Variants in KDM1A observed in about 807,000 individuals in gnomAD.
The protein encoded by KDM1A is lysine-specific histone demethylase 1A.
In KDM1A, 49 loss-of-function variants were observed where a neutral mutation model predicts 109.4. That is an observed-to-expected ratio of 0.45 (90% CI 0.36 to 0.57). The LOEUF is 0.57. Among genes scored for constraint, KDM1A ranks in the 20% least tolerant of loss-of-function variants. The pLI is 0.00. For synonymous variants in KDM1A, 380 were observed against 415.4 expected (o/e 0.91, Z 1.04); for missense variants, 668 against 1,116.6 (o/e 0.60, Z 5.73).
Position 23,057,510 on chromosome 1 carries a change from A to G in KDM1A, c.1017A>G (p.Thr339=), listed in dbSNP as rs1307361620. The change falls in exon 8 of 21, where the codon ACA becomes ACG. Residue 339 remains threonine (T), a synonymous_variant. Coordinates refer to ENST00000400181, the MANE Select transcript of KDM1A (RefSeq NM_001009999.3). ...ATCGTGTGGGTGGACGAGTTGCCAC[A>G]TTTCGCAAAGGAAACTATGTAGCTG... is the stretch of plus-strand genomic sequence containing the variant. ...ARDRVGGRVA[T]FRKGNYVADL... 1.2e-6 allele frequency: 2 copies of G among 1,613,946 alleles called. No individual in the cohort carries two copies. The highest frequency in any genetic ancestry group is 1.7e-5 in the Admixed American group (1 of 59,986).
chr1:23,037,553 G>A (rs1642186060), intron 2 of KDM1A, among the ~76,000 whole-genome samples: 1 of 152,138 alleles, frequency 6.6e-6, no homozygotes, highest in South Asian at 2.1e-4. Context: ...TTTTTGTGGT[G>A]AGAACACTTA....
chr1:23,062,390 G>T (rs1569768258), intron 9 of KDM1A, among the ~76,000 whole-genome samples: 1 of 152,168 alleles, frequency 6.6e-6, no homozygotes, highest in African/African-American at 2.4e-5. Flanking sequence ...AGTAAACTTG[G>T]ATGAAATGGG....
At chr1:23,070,721 T>C (rs1269555475) in intron 12 of KDM1A, among the ~76,000 whole-genome samples, 4 of 151,298 alleles carry the variant, frequency 2.6e-5, no homozygotes, top group Non-Finnish European at 5.9e-5. Context: ...GGCAGGAGAA[T>C]GGCGTGAACC....
chr1:23,056,567 T>G (rs1642836292), intron 7 of KDM1A, among the ~76,000 whole-genome samples: 1 of 152,138 alleles, frequency 6.6e-6, no homozygotes, highest in Non-Finnish European at 1.5e-5. Context: ...TCATGAATAA[T>G]TTTTGAAATC....
rs148342895 is a variant in KDM1A at position 23,075,242 on chromosome 1, C to G, written c.1734+1839C>G. On this transcript the variant is annotated intron_variant, in intron 15 of 20. Coordinates refer to ENST00000400181, the MANE Select transcript of KDM1A (RefSeq NM_001009999.3). ...GTGATTTACTCTTCAAGTGAGAAATCACAAGGCTTCTTGGACCAATCTCTA... is the reference window on the plus strand; with the variant it reads ...GTGATTTACTCTTCAAGTGAGAAATGACAAGGCTTCTTGGACCAATCTCTA... 6.5e-4 allele frequency among the ~76,000 whole-genome samples: 99 copies of G among 152,330 alleles called. No homozygotes were observed. In the Middle Eastern group the frequency reaches 0.014, roughly 21 times the overall value.
intron 1 of KDM1A, among the ~76,000 whole-genome samples, chr1:23,022,067 A>G (rs1641648639): frequency 6.6e-6 from 1 of 152,200 alleles, no homozygotes; most frequent in South Asian, 2.1e-4. Context: ...TTACCCATTC[A>G]TCATTTGACG....
chr1:23,081,247 G>T, intron 18 of KDM1A, 199 bp from the exon 19 acceptor site: 1 of 554,880 alleles, frequency 1.8e-6, no homozygotes, highest in East Asian at 3.1e-5. Flanking sequence ...TAGTCTGCCA[G>T]CTCCTACTGG....
intron 2 of KDM1A, among the ~76,000 whole-genome samples, chr1:23,040,645 A>C (rs1984576): frequency 6.6e-6 from 1 of 151,420 alleles, no homozygotes; most frequent in Non-Finnish European, 1.5e-5. Context: ...AAAATTAGCC[A>C]GGTATGGTGG....
intron 1 of KDM1A, among the ~76,000 whole-genome samples, chr1:23,029,443 C>T (rs1468340256): frequency 6.6e-6 from 1 of 151,934 alleles, no homozygotes; most frequent in African/African-American, 2.4e-5. Context: ...TCTGTAATAC[C>T]GTATTACACA....
At chr1:23,073,062 A>G (rs1391629048) in intron 14 of KDM1A, among the ~76,000 whole-genome samples, 1 of 152,130 alleles carries the variant, frequency 6.6e-6, no homozygotes, top group Non-Finnish European at 1.5e-5. Context: ...TCCTTCAGAC[A>G]AATGAGGCCT....
At chr1:23,068,364 C>T (rs1218420779) in intron 10 of KDM1A, among the ~76,000 whole-genome samples, 175 bp from the exon 11 acceptor site, 1 of 152,138 alleles carries the variant, frequency 6.6e-6, no homozygotes, top group Non-Finnish European at 1.5e-5. Flanking sequence ...CATTTCATAT[C>T]TCATTTAAAT....
intron 2 of KDM1A, among the ~76,000 whole-genome samples, chr1:23,041,435 C>CTTTTTTTTTTTTTTTTTTTT (rs66720696): frequency 5.7e-5 from 3 of 53,006 alleles, no homozygotes; most frequent in African/African-American, 7.8e-5. Flanking sequence ...TCTTTTCTTG[C>CTTTTTTTTTTTTTTTTTTTT]TTTTTTTTTT....
At chr1:23,022,739 GCCT>G (rs1272268236) in intron 1 of KDM1A, among the ~76,000 whole-genome samples, 2 of 129,622 alleles carry the variant, frequency 1.5e-5, no homozygotes, top group African/African-American at 5.9e-5. Context: ...GCTTACTACA[GCCT>G]CCTCCTCCTG....
chr1:23,080,901 T>C (rs1643601391), intron 18 of KDM1A: 1 of 152,394 alleles, frequency 6.6e-6, no homozygotes, highest in South Asian at 2.1e-4. Flanking sequence ...ATTGTCTGTG[T>C]AATTTTGCAT....
At chr1:23,040,378 C>T (rs997954975) in intron 2 of KDM1A, among the ~76,000 whole-genome samples, 1 of 152,170 alleles carries the variant, frequency 6.6e-6, no homozygotes, top group Non-Finnish European at 1.5e-5. Flanking sequence ...CAACACTTCA[C>T]GCTTCAAGAA....
intron 9 of KDM1A, among the ~76,000 whole-genome samples, chr1:23,064,856 T>C (rs1643115962): frequency 6.6e-6 from 1 of 152,230 alleles, no homozygotes; most frequent in Non-Finnish European, 1.5e-5. Context: ...TTGAAGGAAC[T>C]ATTTACCTGG....
chr1:23,019,588 C>T lies in KDM1A; in HGVS notation c.-9C>T. 7.1e-7 allele frequency: 1 copy of T among 1,400,194 alleles called. No homozygotes were observed. Among genetic ancestry groups the T allele is most frequent in the Non-Finnish European group, 9.2e-7 (1 of 1,086,100 alleles). The allele number at this position is 1,400,194 out of a possible 1,614,324, so 86.7% of individuals were successfully genotyped here. A position where few individuals can be genotyped will look rare whatever the true frequency, so the allele number is the denominator to read the frequency against. On this transcript the variant is annotated 5_prime_UTR_variant, in exon 1 of 21. Coordinates refer to ENST00000400181, the MANE Select transcript of KDM1A (RefSeq NM_001009999.3). ...GCCCCTACGGCCGTCGGCGGCCCGG[C>T]GGCCCGAGATGTTATCTGGGAAGAA...
rs1362999604 is a variant in KDM1A, at chr1:23,030,632, C to T, written c.515C>T (p.Ser172Leu). Residue 172 changes from serine to leucine, a missense_variant and splice_region_variant, in exon 2 of 21, where the codon TCG becomes TTG. By Grantham distance (145) the Ser-to-Leu change is moderately radical. Coordinates refer to ENST00000400181, the MANE Select transcript of KDM1A (RefSeq NM_001009999.3). ...EENESEPEEP[S>L]GQAGGLQDDS... is the part of the protein sequence containing the mutation. ...AATGAAAGTGAGCCTGAAGAACCATCGGGTGAGTTGTAGTATCCAACCACA... is the reference window on the plus strand; with the variant it reads ...AATGAAAGTGAGCCTGAAGAACCATTGGGTGAGTTGTAGTATCCAACCACA... 1 of 1,547,964 alleles carries T rather than the reference C, an allele frequency of 6.5e-7. No homozygotes were observed. The highest frequency in any genetic ancestry group is 8.7e-7 in the Non-Finnish European group (1 of 1,154,456).
chr1:23,055,038 A>C, intron 5 of KDM1A, 31 bp from the exon 6 acceptor site: 10 of 1,376,842 alleles, frequency 7.3e-6, no homozygotes, highest in African/African-American at 1.4e-5. Context: ...GCTGAAAATA[A>C]AACCGTGTTT....
Sources: gnomAD v4.1 joint callset for allele counts (sites outside exome capture counted in the v4.1 genomes callset) on GRCh38, gnomAD v4.1.1 for gene constraint, MANE v1.5 for transcripts, NCBI Gene and HGNC (gene_info 2026-07-23, HGNC 2026-07-21) for gene names.